Variants in GPR176 observed in about 807,000 individuals in gnomAD.
GPR176 encodes G protein-coupled receptor 176.
A neutral mutation model predicts 35.4 loss-of-function variants in GPR176; 26 were observed. That is an observed-to-expected ratio of 0.74 (90% CI 0.54 to 1.02). The LOEUF is 1.02. Among genes scored for constraint, GPR176 ranks in the 50% least tolerant of loss-of-function variants. The pLI, the probability that GPR176 is intolerant of heterozygous loss-of-function variation, is 0.00. For synonymous variants in GPR176, 278 were observed against 271.3 expected (o/e 1.02, Z -0.24); for missense variants, 597 against 665.3 (o/e 0.90, Z 1.13).
chr15:39,800,466 G>A lies in GPR176; in HGVS notation c.*666C>T, dbSNP rs1898782727. 6.6e-6 allele frequency: 1 copy of A among 152,264 alleles called. No individual in the cohort carries two copies. The highest frequency in any genetic ancestry group is 2.1e-4 in the South Asian group (1 of 4,818). The allele number at this position is 152,264 out of a possible 1,614,324, so 9.4% of individuals were successfully genotyped here. A position where few individuals can be genotyped will look rare whatever the true frequency, so the allele number is the denominator to read the frequency against. On this transcript the variant is annotated 3_prime_UTR_variant, in exon 3 of 3. Coordinates refer to ENST00000561100, the MANE Select transcript of GPR176 (RefSeq NM_007223.3). ...CGTTGGTGATGCCAAGGGAAAATCAGAATTATCAAGGACAAAATATCTCCC... is the reference window on the plus strand; with the variant it reads ...CGTTGGTGATGCCAAGGGAAAATCAAAATTATCAAGGACAAAATATCTCCC...
intron 1 of GPR176, among the ~76,000 whole-genome samples, chr15:39,845,000 C>T (rs1185553967): frequency 3.3e-5 from 5 of 152,124 alleles, no homozygotes; most frequent in African/African-American, 4.8e-5. Context: ...GCCAGCTCCT[C>T]AGAGCATAGG....
chr15:39,845,831 TC>T (rs1400320704), intron 1 of GPR176, among the ~76,000 whole-genome samples: 1 of 152,166 alleles, frequency 6.6e-6, no homozygotes, highest in African/African-American at 2.4e-5. Flanking sequence ...TGTGCCTACA[TC>T]CTGAGGCCTA....
intron 2 of GPR176, among the ~76,000 whole-genome samples, chr15:39,805,060 G>GTA (rs1271916029): frequency 6.6e-6 from 1 of 152,130 alleles, no homozygotes; most frequent in African/African-American, 2.4e-5. Context: ...TCATTGACTT[G>GTA]TATACTTCCA....
chr15:39,824,022 G>T (rs1045495910), intron 1 of GPR176, among the ~76,000 whole-genome samples: 6 of 152,328 alleles, frequency 3.9e-5, no homozygotes, highest in Admixed American at 2.6e-4. Context: ...TGAGTCATGG[G>T]GGTGGATCCC....
chr15:39,841,348 A>G (rs2029965994), intron 1 of GPR176, among the ~76,000 whole-genome samples: 1 of 150,208 alleles, frequency 6.7e-6, no homozygotes, highest in East Asian at 1.9e-4. Context: ...CAAAAAATAC[A>G]TTGAAGTCCT....
intron 1 of GPR176, among the ~76,000 whole-genome samples, chr15:39,853,508 C>G (rs138604447): frequency 6.6e-6 from 1 of 152,298 alleles, no homozygotes; most frequent in East Asian, 1.9e-4. Flanking sequence ...ATATAGTTAA[C>G]ACTACTGAGC....
intron 1 of GPR176, among the ~76,000 whole-genome samples, chr15:39,915,198 T>C (rs575066570): frequency 6.6e-6 from 1 of 152,258 alleles, no homozygotes; most frequent in East Asian, 1.9e-4. Context: ...TTTCTTTCAG[T>C]TCTAGAGGTT....
Position 39,801,259 on chromosome 15 carries a change from C to G in GPR176, c.1421G>C (p.Arg474Pro). The G allele has an allele frequency of 6.2e-7, 1 of 1,614,132 alleles. No homozygotes were observed. Residue 474 changes from arginine (R) to proline (P), a missense_variant, in exon 3 of 3, where the codon CGG becomes CCG. Arg to Pro is a moderately radical substitution (Grantham distance 103). Coordinates refer to ENST00000561100, the MANE Select transcript of GPR176 (RefSeq NM_007223.3). ...GGTGTTGCCCAAGGGGGGAAGCAGC[C>G]GCTTCTTGCTGTTTCGGGTCTCTGA... ...WLSETRNSKK[R>P]LLPPLGNTPE...
intron 1 of GPR176, among the ~76,000 whole-genome samples, chr15:39,888,265 G>A (rs55717056): frequency 0.013 from 1,891 of 145,528 alleles, 45 homozygotes; most frequent in African/African-American, 0.044. Context: ...GGGGTGAAGG[G>A]AATCTGCTTT....
intron 1 of GPR176, among the ~76,000 whole-genome samples, chr15:39,839,277 C>G (rs2140786886): frequency 6.6e-6 from 1 of 152,120 alleles, no homozygotes; most frequent in South Asian, 2.1e-4. Context: ...GGTACTGGTA[C>G]CAAAACAGAG....
chr15:39,837,150 CT>C (rs1252001193), intron 1 of GPR176, among the ~76,000 whole-genome samples: 2 of 152,176 alleles, frequency 1.3e-5, no homozygotes, highest in African/African-American at 4.8e-5. Context: ...CTCTTCTAAG[CT>C]TTTCCATTTT....
chr15:39,803,404 C>T (rs1398452218), intron 2 of GPR176, among the ~76,000 whole-genome samples: 2 of 150,686 alleles, frequency 1.3e-5, no homozygotes, highest in Admixed American at 6.7e-5. Flanking sequence ...CTCAGTCTCT[C>T]GAGCAGCTGG....
chr15:39,890,532 G>T (rs1349510164), intron 1 of GPR176, among the ~76,000 whole-genome samples: 1 of 152,204 alleles, frequency 6.6e-6, no homozygotes, highest in Non-Finnish European at 1.5e-5. Context: ...TTGAAATTGA[G>T]TAGTATAGAA....
chr15:39,912,149 A>AT (rs2033594508), intron 1 of GPR176, among the ~76,000 whole-genome samples: 2 of 152,174 alleles, frequency 1.3e-5, no homozygotes, highest in Admixed American at 6.5e-5. Context: ...ATGAGAGTTG[A>AT]TTTTTTTAAG....
intron 1 of GPR176, among the ~76,000 whole-genome samples, chr15:39,898,002 G>A (rs1022181432): frequency 6.6e-6 from 1 of 152,144 alleles, no homozygotes; most frequent in African/African-American, 2.4e-5. Context: ...GGTGACCAAT[G>A]CAAGAAGTTG....
At chr15:39,860,867 G>A (rs1020521345) in intron 1 of GPR176, 5 of 152,122 alleles carry the variant, frequency 3.3e-5, no homozygotes, top group Non-Finnish European at 7.3e-5. Context: ...GGTGCTGGGC[G>A]CCTTGGAATG....
rs796658004 is a variant in GPR176, at chr15:39,799,139, G to A, written c.*1993C>T. 8 of 152,278 alleles carry A rather than the reference G, an allele frequency of 5.3e-5. No homozygotes were observed. The South Asian group carries it at 1.2e-3, about 24-fold the overall frequency. The allele number at this position is 152,278 out of a possible 1,614,324, so 9.4% of individuals were successfully genotyped here. On this transcript the variant is annotated 3_prime_UTR_variant, in exon 3 of 3. Transcript: ENST00000561100. ...CATATATAAGAAACATACCCAACCA[G>A]ATTCTGCCTCATCAAAATTTATTAA...
At chr15:39,892,945 A>C (rs1283931051) in intron 1 of GPR176, among the ~76,000 whole-genome samples, 1 of 152,244 alleles carries the variant, frequency 6.6e-6, no homozygotes, top group Non-Finnish European at 1.5e-5. Context: ...AGAAATGAGA[A>C]AAATAAGATA....
rs148093550 is a variant in GPR176 at position 39,919,897 on chromosome 15, T to C, written c.130A>G (p.Thr44Ala). The stretch of plus-strand genomic sequence containing the variant: ...AAGATGACGACCTGCACGGTGGTGG[T>C]GAACTGGCGGTACAGCTGCGCCTCG... Reference protein sequence around the residue: ...FGEAQLYRQFTTTVQVVIFIG... With the variant: ...FGEAQLYRQFATTVQVVIFIG... Residue 44 changes from threonine (T) to alanine (A), a missense_variant, in exon 1 of 3, where the codon ACC (threonine) becomes GCC (alanine). Transcript: ENST00000561100. The C allele has an allele frequency of 1.4e-4, 209 of 1,520,178 alleles. 1 individual carries two copies. In the African/African-American group the frequency reaches 2.4e-3, roughly 18 times the overall value. The allele number at this position is 1,520,178 out of a possible 1,614,324, so 94.2% of individuals were successfully genotyped here. A position where few individuals can be genotyped will look rare whatever the true frequency, so the allele number is the denominator to read the frequency against.
Sources: allele counts gnomAD v4.1 joint callset (sites outside exome capture counted in the v4.1 genomes callset), GRCh38; gene constraint gnomAD v4.1.1; transcripts MANE v1.5; gene names NCBI Gene and HGNC (gene_info 2026-07-23, HGNC 2026-07-21).